The following FAM13C variants were observed in gnomAD, a reference collection of about 807,000 sequenced individuals.
The protein encoded by FAM13C is family with sequence similarity 13 member C.
A neutral mutation model predicts 73.2 loss-of-function variants in FAM13C; 37 were observed. The observed-to-expected ratio is 0.51, with a 90% confidence interval of 0.39 to 0.67. The LOEUF is 0.67. Ranked by LOEUF, FAM13C falls within the 30% of genes least tolerant of loss-of-function variation. The probability of loss-of-function intolerance (pLI) is 0.00; values close to 1 mark genes in which losing one functional copy is unlikely to be tolerated. For missense variants in FAM13C, 589 were observed against 715.6 expected (o/e 0.82, Z 2.02); for synonymous variants, 246 against 260.9 (o/e 0.94, Z 0.55).
intron 5 of FAM13C, among the ~76,000 whole-genome samples, chr10:59,298,154 T>G (rs1192148691): frequency 6.6e-6 from 1 of 152,210 alleles, no homozygotes; most frequent in Admixed American, 6.5e-5. Flanking sequence ...GCTGGCATCT[T>G]AGGCCTGGAG....
At chr10:59,327,024 C>T (rs1382351029) in intron 3 of FAM13C, among the ~76,000 whole-genome samples, 1 of 152,104 alleles carries the variant, frequency 6.6e-6, no homozygotes, top group African/African-American at 2.4e-5. Flanking sequence ...ACATTAAATG[C>T]ATCCATCAAT....
Position 59,247,665 on chromosome 10 carries a change from C to G in FAM13C, c.1707G>C (p.Leu569=), listed in dbSNP as rs1359108134. The G allele has an allele frequency of 6.2e-7, 1 of 1,613,432 alleles. No individual in the cohort carries two copies. Among genetic ancestry groups the G allele is most frequent in the Non-Finnish European group, 8.5e-7 (1 of 1,179,718 alleles). Residue 569 remains leucine, a synonymous_variant, in exon 14 of 14, where the codon CTG becomes CTC. Transcript: ENST00000618804. ...YYEYKHIKAK[L]RLLEVLISKQ... is the part of the protein sequence containing the mutation. ...TGCTGATGAGGACCTCTAATAGTCT[C>G]AGTTTGGCTTTTATGTGCTTATATT...
intron 3 of FAM13C, among the ~76,000 whole-genome samples, chr10:59,329,383 A>C: frequency 9.8e-6 from 1 of 101,830 alleles, no homozygotes. Context: ...TTTTTGAGAC[A>C]GAATCTTGCT....
At chr10:59,296,072 C>T (rs965571280) in intron 5 of FAM13C, among the ~76,000 whole-genome samples, 2 of 152,154 alleles carry the variant, frequency 1.3e-5, no homozygotes, top group Non-Finnish European at 2.9e-5. Flanking sequence ...CCTATTCTTA[C>T]AGAAATAATA....
intron 3 of FAM13C, among the ~76,000 whole-genome samples, chr10:59,341,367 A>G (rs1346437764): frequency 6.6e-6 from 1 of 152,168 alleles, no homozygotes; most frequent in Non-Finnish European, 1.5e-5. Flanking sequence ...AGAACAAAAG[A>G]GGCAGTGCTG....
At chr10:59,335,004 G>A (rs1484994104) in intron 3 of FAM13C, among the ~76,000 whole-genome samples, 7 of 152,162 alleles carry the variant, frequency 4.6e-5, no homozygotes, top group Admixed American at 4.6e-4. Flanking sequence ...TTCCACAAAG[G>A]TGCAAAATAT....
At chr10:59,266,821 T>C (rs1033256115) in intron 8 of FAM13C, among the ~76,000 whole-genome samples, 3 of 152,200 alleles carry the variant, frequency 2.0e-5, no homozygotes, top group Non-Finnish European at 4.4e-5. Context: ...CAGTGGAGAA[T>C]TAACATGTAC....
intron 5 of FAM13C, among the ~76,000 whole-genome samples, chr10:59,284,005 C>T (rs1845240561): frequency 6.6e-6 from 1 of 151,292 alleles, no homozygotes; most frequent in South Asian, 2.1e-4. Context: ...TTTGAGGCTC[C>T]CTAGTCCACA....
chr10:59,283,796 A>C (rs892575758), intron 5 of FAM13C: 1 of 496,790 alleles, frequency 2.0e-6, no homozygotes, highest in Non-Finnish European at 3.6e-6. Context: ...CAATCTGAGA[A>C]GATATCTGCT....
At chr10:59,274,954 A>G (rs1844157488) in intron 6 of FAM13C, among the ~76,000 whole-genome samples, 1 of 152,190 alleles carries the variant, frequency 6.6e-6, no homozygotes, top group East Asian at 1.9e-4. Context: ...ATACAGAGAA[A>G]GCTGGGTGCT....
chr10:59,269,109 G>A (rs73298142), intron 7 of FAM13C, among the ~76,000 whole-genome samples: 2,982 of 151,940 alleles, frequency 0.02, 107 homozygotes, highest in African/African-American at 0.069. Context: ...GAAAGGATGG[G>A]CCTCTTTTCC....
At chr10:59,318,576 T>C (rs1233635356) in intron 4 of FAM13C, among the ~76,000 whole-genome samples, 1 of 152,110 alleles carries the variant, frequency 6.6e-6, no homozygotes, top group Non-Finnish European at 1.5e-5. Flanking sequence ...GAAATGACCA[T>C]GGTCACCTGA....
At chr10:59,255,055 C>T (rs1055544048) in intron 10 of FAM13C, among the ~76,000 whole-genome samples, 3 of 152,136 alleles carry the variant, frequency 2.0e-5, no homozygotes, top group Admixed American at 6.5e-5. Context: ...TCTTAAAAAA[C>T]CAATCCAGAC....
chr10:59,332,493 T>C (rs1852129019), intron 3 of FAM13C, among the ~76,000 whole-genome samples: 1 of 152,154 alleles, frequency 6.6e-6, no homozygotes, highest in Non-Finnish European at 1.5e-5. Flanking sequence ...AGGAAGCTCA[T>C]TGCCTGACCC....
intron 1 of FAM13C, among the ~76,000 whole-genome samples, chr10:59,361,896 A>G (rs1252994980): frequency 6.6e-6 from 1 of 152,150 alleles, no homozygotes; most frequent in Non-Finnish European, 1.5e-5. Flanking sequence ...CAGAAGACAA[A>G]CATGACAAAG....
At chr10:59,322,967 C>T (rs1176619677) in intron 4 of FAM13C, among the ~76,000 whole-genome samples, 1 of 152,162 alleles carries the variant, frequency 6.6e-6, no homozygotes. Context: ...ATGAATCTGC[C>T]TGGATAGGGA....
At chr10:59,284,042 T>A (rs1236613242) in intron 5 of FAM13C, among the ~76,000 whole-genome samples, 1 of 151,904 alleles carries the variant, frequency 6.6e-6, no homozygotes, top group Non-Finnish European at 1.5e-5. Flanking sequence ...TGTGTGTGTG[T>A]GTGTGTGTGT....
chr10:59,355,970 T>A (rs780594805), intron 1 of FAM13C, 27 bp from the exon 2 acceptor site: 27 of 1,607,228 alleles, frequency 1.7e-5, no homozygotes, highest in Non-Finnish European at 2.3e-5. Context: ...AAAAATCACA[T>A]CAGATCCAAT....
At chr10:59,287,229 C>T (rs1196097711) in intron 5 of FAM13C, among the ~76,000 whole-genome samples, 4 of 140,056 alleles carry the variant, frequency 2.9e-5, no homozygotes, top group Admixed American at 7.4e-5. Flanking sequence ...CCCAGCTACT[C>T]GGGAGTCTGA....
Sources: gnomAD v4.1 joint callset for allele counts (sites outside exome capture counted in the v4.1 genomes callset) on GRCh38, gnomAD v4.1.1 for gene constraint, MANE v1.5 for transcripts, NCBI Gene and HGNC (gene_info 2026-07-23, HGNC 2026-07-21) for gene names.